Variants in POLA1 observed in about 807,000 individuals in gnomAD.
POLA1 encodes the protein DNA polymerase alpha catalytic subunit.
In POLA1, 15 loss-of-function variants were observed where a neutral mutation model predicts 124.0. That is an observed-to-expected ratio of 0.12 (90% CI 0.08 to 0.19). The LOEUF (loss-of-function observed/expected upper bound fraction) is 0.19. Among genes scored for constraint, POLA1 ranks in the 10% least tolerant of loss-of-function variants. The pLI is 1.00. For missense variants in POLA1, 886 were observed against 1,103.4 expected, an observed-to-expected ratio of 0.80 and a Z score of 2.79; for synonymous variants, 408 against 389.4, an observed-to-expected ratio of 1.05 and a Z score of -0.56.
At chrX:24,928,372 C>G (rs2047725753) in intron 35 of POLA1, among the ~76,000 whole-genome samples, 1 of 111,968 alleles carries the variant, frequency 8.9e-6, no homozygotes, top group Admixed American at 9.5e-5. Flanking sequence ...TCTGAATTGA[C>G]AAGCAGCTAT....
intron 1 of POLA1, among the ~76,000 whole-genome samples, chrX:24,695,804 A>C (rs1022366170): frequency 8.0e-5 from 9 of 112,329 alleles, no homozygotes; most frequent in Non-Finnish European, 1.9e-5. Flanking sequence ...TCAAAAAAGC[A>C]GGTACAGTGG....
intron 20 of POLA1, 88 bp downstream of exon 20, chrX:24,739,638 T>G: frequency 1.8e-6 from 1 of 555,324 alleles, no homozygotes; most frequent in Non-Finnish European, 2.9e-6. Flanking sequence ...TGGAGGGACA[T>G]GAGCCAGTGG....
At chrX:24,754,368 C>T (rs1932487250) in intron 26 of POLA1, among the ~76,000 whole-genome samples, 1 of 109,574 alleles carries the variant, frequency 9.1e-6, no homozygotes, top group Admixed American at 9.7e-5. Context: ...AGCGATTCTC[C>T]TGCCTCAGCC....
intron 13 of POLA1, among the ~76,000 whole-genome samples, chrX:24,726,501 A>G (rs750086311): frequency 8.9e-6 from 1 of 112,396 alleles, no homozygotes; most frequent in African/African-American, 3.2e-5. Context: ...CCTCTGTTCT[A>G]GTGTTTTGTT....
intron 34 of POLA1, among the ~76,000 whole-genome samples, chrX:24,881,694 G>C (rs2047003327): frequency 8.9e-6 from 1 of 111,795 alleles, no homozygotes; most frequent in South Asian, 3.8e-4. Context: ...TTAAGAGACA[G>C]TGCACCGCAG....
intron 36 of POLA1, among the ~76,000 whole-genome samples, chrX:24,960,216 C>G (rs1254899616): frequency 8.9e-6 from 1 of 111,844 alleles, no homozygotes; most frequent in Non-Finnish European, 1.9e-5. Flanking sequence ...ACAATTGATG[C>G]ACTATAAATA....
chrX:24,806,363 G>A (rs778459524), intron 26 of POLA1, among the ~76,000 whole-genome samples: 6 of 109,757 alleles, frequency 5.5e-5, no homozygotes, highest in Non-Finnish European at 1.1e-4. Flanking sequence ...TCCCCAGTGA[G>A]CAGTTTGAAT....
At chrX:24,941,296 C>T (rs2047906362) in intron 36 of POLA1, among the ~76,000 whole-genome samples, 1 of 111,743 alleles carries the variant, frequency 8.9e-6, no homozygotes, top group Non-Finnish European at 1.9e-5. Flanking sequence ...TCACTTAATC[C>T]TCATCTTTTC....
At chrX:24,834,811 T>G (rs2046319812) in intron 32 of POLA1, among the ~76,000 whole-genome samples, 1 of 110,597 alleles carries the variant, frequency 9.0e-6, no homozygotes, top group South Asian at 3.8e-4. Context: ...ATACAACTTG[T>G]TATTATGGAA....
chrX:24,821,512 G>A lies in POLA1; in HGVS notation c.3490G>A (p.Ala1164Thr). The change falls in exon 31 of 37, where the codon GCC (alanine) becomes ACC (threonine). Residue 1164 changes from alanine (A) to threonine (T), a missense_variant. By Grantham distance (58) the Ala-to-Thr change is moderately conservative. Coordinates refer to ENST00000379068, the MANE Select transcript of POLA1 (RefSeq NM_001330360.2). ...DKKSLPHVHV[A>T]LWINSQGGRK... ...AAAAAGCCTACCTCATGTACATGTT[G>A]CCCTCTGGATAAATTCTCAAGGAGG... 1 of 1,197,930 alleles carries A rather than the reference G, an allele frequency of 8.3e-7. No homozygotes were observed. The highest frequency in any genetic ancestry group is 1.1e-6 in the Non-Finnish European group (1 of 883,141).
At chrX:24,743,619 T>C (rs924864921) in intron 23 of POLA1, among the ~76,000 whole-genome samples, 7 of 111,806 alleles carry the variant, frequency 6.3e-5, no homozygotes, top group African/African-American at 2.3e-4. Context: ...TTTCCAGCCA[T>C]TTAAAAATGT....
At chrX:24,703,485 G>A (rs1928596809) in intron 3 of POLA1, 138 bp downstream of exon 3, 1 of 440,037 alleles carries the variant, frequency 2.3e-6, no homozygotes, top group African/African-American at 2.5e-5. Flanking sequence ...CTTACCTTTG[G>A]TTTGGATTTT....
Position 24,816,255 on chromosome X carries a change from A to C in POLA1, c.3429+1144A>C, listed in dbSNP as rs140105468. Among the ~76,000 whole-genome samples, 23 of 112,593 alleles carry C rather than the reference A, an allele frequency of 2.0e-4. 1 individual carries two copies. The highest frequency in any genetic ancestry group is 1.6e-3 in the Admixed American group (17 of 10,667). ...GATAATAGCAAAATATGCCAGTTTC[A>C]CCACAGTTTTGCATGTAGTGGTGAT... On this transcript the variant is annotated intron_variant, in intron 30 of 36. Coordinates refer to ENST00000379068, the MANE Select transcript of POLA1 (RefSeq NM_001330360.2).
At chrX:24,893,057 T>C (rs2047162425) in intron 35 of POLA1, among the ~76,000 whole-genome samples, 1 of 112,324 alleles carries the variant, frequency 8.9e-6, no homozygotes. Context: ...TGGCTATGGC[T>C]GAACAAATTG....
At chrX:24,701,352 G>C (rs1928403305) in intron 2 of POLA1, among the ~76,000 whole-genome samples, 1 of 110,781 alleles carries the variant, frequency 9.0e-6, no homozygotes, top group East Asian at 2.8e-4. Context: ...GATTCCAAAA[G>C]CTCTGTCCAA....
chrX:24,965,405 A>G (rs1344203040), intron 36 of POLA1, among the ~76,000 whole-genome samples: 3 of 112,147 alleles, frequency 2.7e-5, no homozygotes, highest in African/African-American at 9.7e-5. Context: ...ACTTCCTCAC[A>G]TAGCTCCTTG....
intron 36 of POLA1, among the ~76,000 whole-genome samples, chrX:24,940,948 G>A (rs2147230279): frequency 8.9e-6 from 1 of 111,948 alleles, no homozygotes; most frequent in East Asian, 2.8e-4. Context: ...AGAGATGTTT[G>A]GGATTTAAAC....
intron 34 of POLA1, among the ~76,000 whole-genome samples, chrX:24,878,748 A>T (rs866497588): frequency 6.6e-4 from 69 of 104,491 alleles, no homozygotes; most frequent in East Asian, 1.7e-3. Flanking sequence ...AAAAAAAAAA[A>T]TTTTTTTTAA....
intron 36 of POLA1, among the ~76,000 whole-genome samples, chrX:24,959,945 G>A (rs2048151150): frequency 1.8e-5 from 2 of 111,454 alleles, no homozygotes; most frequent in Admixed American, 9.5e-5. Flanking sequence ...TATCCTCCAC[G>A]CTGCTGTCAG....
Sources: gnomAD v4.1 joint callset for allele counts (sites outside exome capture counted in the v4.1 genomes callset) on GRCh38, gnomAD v4.1.1 for gene constraint, MANE v1.5 for transcripts, NCBI Gene and HGNC (gene_info 2026-07-23, HGNC 2026-07-21) for gene names.